EML1: variants seen among roughly 807,000 people sequenced by gnomAD.
EML1 encodes echinoderm microtubule-associated protein-like 1.
A neutral mutation model predicts 110.4 loss-of-function variants in EML1; 27 were observed. The observed-to-expected ratio is 0.24, with a 90% CI of 0.18 to 0.34. The LOEUF (loss-of-function observed/expected upper bound fraction) is 0.34. EML1 is among the 10% of genes least tolerant of loss of function. The pLI is 1.00. For missense variants in EML1, 741 were observed against 1,030.9 expected, an observed-to-expected ratio of 0.72 and a Z score of 3.85; for synonymous variants, 344 against 385.8, an observed-to-expected ratio of 0.89 and a Z score of 1.27.
chr14:99,774,831 T>C (rs2057464768), intron 1 of EML1, among the ~76,000 whole-genome samples: 4 of 152,164 alleles, frequency 2.6e-5, no homozygotes, highest in Admixed American at 2.6e-4. Context: ...GCCAGCATCC[T>C]CTTGAATGAG....
At chr14:99,872,423 C>G (rs1432267205) in intron 3 of EML1, among the ~76,000 whole-genome samples, 1 of 152,208 alleles carries the variant, frequency 6.6e-6, no homozygotes, top group East Asian at 1.9e-4. Flanking sequence ...TAACCCTCCT[C>G]CCAGAAACAT....
At chr14:99,880,487 C>T (rs1398031963) in intron 4 of EML1, among the ~76,000 whole-genome samples, 1 of 152,124 alleles carries the variant, frequency 6.6e-6, no homozygotes, top group Non-Finnish European at 1.5e-5. Context: ...CTGAGAAATG[C>T]CACCCTCGAG....
At chr14:99,796,241 G>A (rs988488404) in intron 1 of EML1, among the ~76,000 whole-genome samples, 9 of 132,168 alleles carry the variant, frequency 6.8e-5, no homozygotes, top group Non-Finnish European at 1.4e-4. Context: ...AAGATAATGT[G>A]TAAATGAGAA....
intron 1 of EML1, among the ~76,000 whole-genome samples, chr14:99,836,949 A>G (rs762724381): frequency 6.6e-6 from 1 of 151,752 alleles, no homozygotes; most frequent in Non-Finnish European, 1.5e-5. Context: ...CAGGGTATCA[A>G]GAACTATTCC....
chr14:99,923,578 A>C (rs2060168675), intron 17 of EML1, among the ~76,000 whole-genome samples: 2 of 152,250 alleles, frequency 1.3e-5, no homozygotes, highest in African/African-American at 2.4e-5. Context: ...TATCAATGAC[A>C]CTTTTGTCAA....
chr14:99,850,780 C>A, intron 1 of EML1, 73 bp from the exon 2 acceptor site: 1 of 1,514,496 alleles, frequency 6.6e-7, no homozygotes, highest in Non-Finnish European at 9.0e-7. Context: ...AAACAGCATG[C>A]TAGATAGAGT....
intron 17 of EML1, among the ~76,000 whole-genome samples, chr14:99,933,010 C>T (rs1243864204): frequency 2.6e-5 from 4 of 151,932 alleles, no homozygotes; most frequent in East Asian, 1.9e-4. Context: ...CCCAGCTACT[C>T]GGGAGACCAT....
intron 11 of EML1, 111 bp from the exon 12 acceptor site, chr14:99,910,131 C>A: frequency 2.7e-6 from 2 of 742,820 alleles, no homozygotes; most frequent in Non-Finnish European, 2.1e-6. Flanking sequence ...CACTATCCAG[C>A]TTGGGACCAC....
chr14:99,814,539 A>G (rs950738194), intron 1 of EML1, among the ~76,000 whole-genome samples: 3 of 152,174 alleles, frequency 2.0e-5, no homozygotes, highest in Non-Finnish European at 2.9e-5. Flanking sequence ...TGCTGAGGTT[A>G]CAGACATGAG....
rs1048148550 is a variant in EML1, at chr14:99,907,472, AAAAG to A, written c.1009-149_1009-146del. 1.1e-3 allele frequency: 708 copies of A among 642,778 alleles called. 1 individual carries two copies. The highest frequency in any genetic ancestry group is 3.8e-3 in the East Asian group (135 of 35,566). 39.8% of individuals were successfully genotyped at this position (642,778 alleles called of 1,614,324 possible). A position where few individuals can be genotyped will look rare whatever the true frequency, so the allele number is the denominator to read the frequency against. On this transcript the variant is annotated intron_variant, in intron 9 of 21. Coordinates refer to ENST00000262233, the MANE Select transcript of EML1 (RefSeq NM_004434.3). The stretch of plus-strand genomic sequence containing the variant: ...GACAGAGCAAAACCCTGTCTCCAGA[AAAAG>A]AAAGAAAGAAAGAAAGCAGGTCTCA...
At chr14:99,772,289 C>T (rs115299099), upstream of EML1, among the ~76,000 whole-genome samples, 1 of 152,154 alleles carries the variant, frequency 6.6e-6, no homozygotes, top group Non-Finnish European at 1.5e-5. Flanking sequence ...TGTGTTTGGG[C>T]GCCAGCCAGA....
At chr14:99,820,856 C>T (rs920209869) in intron 1 of EML1, among the ~76,000 whole-genome samples, 4 of 151,970 alleles carry the variant, frequency 2.6e-5, no homozygotes, top group East Asian at 3.9e-4. Context: ...GGAAGGTGCA[C>T]GGAGGCCCGG....
intron 1 of EML1, among the ~76,000 whole-genome samples, chr14:99,824,985 G>A (rs1485169240): frequency 6.6e-6 from 1 of 152,042 alleles, no homozygotes; most frequent in Non-Finnish European, 1.5e-5. Flanking sequence ...ATATTCCAGG[G>A]TCATTTTTAT....
chr14:99,872,934 A>G (rs1186029767), intron 3 of EML1, among the ~76,000 whole-genome samples: 2 of 152,192 alleles, frequency 1.3e-5, no homozygotes, highest in Non-Finnish European at 1.5e-5. Context: ...GCTTAAGAAC[A>G]AAATCCCCTT....
At chr14:99,794,635 A>G (rs940208517) in intron 1 of EML1, among the ~76,000 whole-genome samples, 4 of 152,182 alleles carry the variant, frequency 2.6e-5, no homozygotes, top group African/African-American at 9.7e-5. Context: ...CATCTTGTTC[A>G]TGGTAGAATG....
upstream of EML1, among the ~76,000 whole-genome samples, chr14:99,770,381 A>T (rs543685064): frequency 1.3e-5 from 2 of 148,296 alleles, no homozygotes; most frequent in Non-Finnish European, 3.0e-5. Flanking sequence ...ATTTCTTTCT[A>T]TCTATCTATC....
At chr14:99,742,737 G>A (rs1003125537) in intron 1 of EML1, among the ~76,000 whole-genome samples, 1 of 152,120 alleles carries the variant, frequency 6.6e-6, no homozygotes, top group Non-Finnish European at 1.5e-5. Context: ...AGCCCCATGT[G>A]CCCTGGCCCT....
At chr14:99,869,202 G>A (rs984568956) in intron 3 of EML1, among the ~76,000 whole-genome samples, 9 of 152,174 alleles carry the variant, frequency 5.9e-5, no homozygotes, top group Non-Finnish European at 1.2e-4. Context: ...TGGCAACCCT[G>A]TGTTGAGTAA....
chr14:99,741,148 G>A (rs562183112), intron 1 of EML1, among the ~76,000 whole-genome samples: 1 of 152,160 alleles, frequency 6.6e-6, no homozygotes, highest in Non-Finnish European at 1.5e-5. Flanking sequence ...TAACTTCTGT[G>A]AGCCTCTGTG....
Sources: allele counts gnomAD v4.1 joint callset (sites outside exome capture counted in the v4.1 genomes callset), GRCh38; gene constraint gnomAD v4.1.1; transcripts MANE v1.5; gene names NCBI Gene and HGNC (gene_info 2026-07-23, HGNC 2026-07-21).